Variants in IL1RAPL1 observed in about 807,000 individuals in gnomAD.
The protein encoded by IL1RAPL1 is interleukin 1 receptor accessory protein like 1, also known as interleukin-1 receptor accessory protein-like 1.
Under a neutral mutation model 48.4 loss-of-function variants are expected in IL1RAPL1, and 3 were observed. That is an observed-to-expected ratio of 0.06 (90% CI 0.03 to 0.16). The LOEUF is 0.16. IL1RAPL1 is among the 10% of genes least tolerant of loss of function. IL1RAPL1 has a pLI of 1.00. For synonymous variants in IL1RAPL1, 185 were observed against 187.7 expected, an observed-to-expected ratio of 0.99 and a Z score of 0.12; for missense variants, 349 against 530.6, an observed-to-expected ratio of 0.66 and a Z score of 3.36.
At chrX:29,333,282 C>T (rs1369084426) in intron 3 of IL1RAPL1, among the ~76,000 whole-genome samples, 1 of 106,186 alleles carries the variant, frequency 9.4e-6, no homozygotes, top group East Asian at 3.0e-4. Flanking sequence ...GGGGGGCTGA[C>T]CCCCCCCACC....
chrX:28,936,855 G>A (rs903731213), intron 2 of IL1RAPL1, among the ~76,000 whole-genome samples: 1 of 110,920 alleles, frequency 9.0e-6, no homozygotes, highest in Non-Finnish European at 1.9e-5. Flanking sequence ...GACTATTTAG[G>A]CCATAGTGTC....
chrX:29,006,439 G>T (rs1207093778), intron 2 of IL1RAPL1, among the ~76,000 whole-genome samples: 1 of 108,004 alleles, frequency 9.3e-6, no homozygotes, highest in Non-Finnish European at 1.9e-5. Context: ...ACCTGAACCT[G>T]TAAGAGAGAG....
At chrX:29,280,467 G>T (rs766783548) in intron 2 of IL1RAPL1, among the ~76,000 whole-genome samples, 2 of 112,352 alleles carry the variant, frequency 1.8e-5, no homozygotes, top group Non-Finnish European at 3.8e-5. Flanking sequence ...TGTGACAGTA[G>T]GGAGAATTAA....
chrX:28,854,631 T>G (rs1396442808), intron 2 of IL1RAPL1, among the ~76,000 whole-genome samples: 1 of 111,057 alleles, frequency 9.0e-6, no homozygotes, highest in African/African-American at 3.3e-5. Context: ...ACCAGTAATG[T>G]GTGGAGTGGG....
chrX:28,906,492 A>G, intron 2 of IL1RAPL1, among the ~76,000 whole-genome samples: 1 of 111,847 alleles, frequency 8.9e-6, no homozygotes, highest in East Asian at 2.8e-4. Flanking sequence ...TATTGGCTAG[A>G]TGAGTTAAGA....
chrX:28,704,001 G>A (rs1199073907), intron 1 of IL1RAPL1, among the ~76,000 whole-genome samples: 2 of 111,680 alleles, frequency 1.8e-5, no homozygotes, highest in Non-Finnish European at 3.8e-5. Flanking sequence ...TTACCTAATA[G>A]CAAAAGTGGG....
intron 3 of IL1RAPL1, among the ~76,000 whole-genome samples, chrX:29,342,051 C>A (rs1933085568): frequency 9.1e-6 from 1 of 110,298 alleles, no homozygotes; most frequent in Non-Finnish European, 1.9e-5. Context: ...TCGTGATCCA[C>A]CCACCTCGGC....
intron 2 of IL1RAPL1, among the ~76,000 whole-genome samples, chrX:28,930,954 T>C (rs1206881010): frequency 1.8e-5 from 2 of 111,066 alleles, no homozygotes; most frequent in Admixed American, 9.6e-5. Flanking sequence ...TTTTTTTTTT[T>C]CCTGCAAAAC....
At chrX:29,911,762 T>A (rs1601879350) in intron 6 of IL1RAPL1, among the ~76,000 whole-genome samples, 1 of 112,124 alleles carries the variant, frequency 8.9e-6, no homozygotes, top group East Asian at 2.8e-4. Context: ...TACTTTTAAT[T>A]TAACCTGCAT....
At chrX:28,938,434 T>C (rs1394453026) in intron 2 of IL1RAPL1, among the ~76,000 whole-genome samples, 1 of 104,399 alleles carries the variant, frequency 9.6e-6, no homozygotes, top group African/African-American at 3.6e-5. Context: ...TCCCCAGTTA[T>C]TCAATAAACG....
At chrX:29,242,864 A>G (rs1331861631) in intron 2 of IL1RAPL1, among the ~76,000 whole-genome samples, 1 of 112,242 alleles carries the variant, frequency 8.9e-6, no homozygotes, top group Admixed American at 9.4e-5. Context: ...TTACAAAGGA[A>G]GTGACAGAGT....
chrX:29,636,077 CAAAA>C (rs938932528), intron 5 of IL1RAPL1, among the ~76,000 whole-genome samples: 1 of 105,435 alleles, frequency 9.5e-6, no homozygotes, highest in African/African-American at 3.4e-5. Flanking sequence ...AAGTCTAAAG[CAAAA>C]AAAAACCATA....
At chrX:28,686,813 T>C (rs770383087) in intron 1 of IL1RAPL1, among the ~76,000 whole-genome samples, 1 of 112,006 alleles carries the variant, frequency 8.9e-6, no homozygotes, top group African/African-American at 3.2e-5. Flanking sequence ...CTGCATCACC[T>C]GAATGGCCTT....
chrX:28,617,885 G>A (rs901756557), intron 1 of IL1RAPL1, among the ~76,000 whole-genome samples: 2 of 111,842 alleles, frequency 1.8e-5, no homozygotes, highest in African/African-American at 6.5e-5. Flanking sequence ...AGCCTGATTA[G>A]CCTTATCTTC....
At chrX:28,766,123 A>G (rs952151508) in intron 1 of IL1RAPL1, among the ~76,000 whole-genome samples, 4 of 111,599 alleles carry the variant, frequency 3.6e-5, no homozygotes, top group African/African-American at 1.3e-4. Flanking sequence ...GGTAAGAAAA[A>G]AATGAATTCT....
intron 5 of IL1RAPL1, among the ~76,000 whole-genome samples, chrX:29,606,311 G>T (rs1256450522): frequency 3.7e-5 from 4 of 108,565 alleles, no homozygotes; most frequent in Non-Finnish European, 7.6e-5. Context: ...TCATATTAGT[G>T]ATGCATGGGG....
intron 5 of IL1RAPL1, among the ~76,000 whole-genome samples, chrX:29,538,348 T>TA (rs1176430741): frequency 9.8e-6 from 1 of 101,672 alleles, no homozygotes; most frequent in Non-Finnish European, 2.0e-5. Context: ...CTTTTTTTTT[T>TA]TTTTTTTGGA....
intron 6 of IL1RAPL1, among the ~76,000 whole-genome samples, chrX:29,821,285 T>TA (rs1177513624): frequency 1.8e-5 from 2 of 108,749 alleles, no homozygotes; most frequent in African/African-American, 6.7e-5. Flanking sequence ...CCGTCTCTAC[T>TA]AAAAAATACA....
intron 2 of IL1RAPL1, among the ~76,000 whole-genome samples, chrX:28,871,663 A>T (rs1922210455): frequency 9.0e-6 from 1 of 111,548 alleles, no homozygotes; most frequent in Non-Finnish European, 1.9e-5. Context: ...AGGAATGTAC[A>T]TTTTATCAGT....
Sources: gnomAD v4.1 joint callset for allele counts (sites outside exome capture counted in the v4.1 genomes callset) on GRCh38, gnomAD v4.1.1 for gene constraint, MANE v1.5 for transcripts, NCBI Gene and HGNC (gene_info 2026-07-23, HGNC 2026-07-21) for gene names.